The following TUSC3 variants were observed in gnomAD, a reference collection of about 807,000 sequenced individuals.
TUSC3 encodes the protein dolichyl-diphosphooligosaccharide--protein glycosyltransferase subunit TUSC3.
A neutral mutation model predicts 44.8 loss-of-function variants in TUSC3; 45 were observed. That is an observed-to-expected ratio of 1.00 (90% CI 0.79 to 1.29). TUSC3 has a LOEUF of 1.29. Ranked by LOEUF, TUSC3 falls within the 50% of genes most tolerant of loss-of-function variation. The probability of loss-of-function intolerance (pLI) is 0.00; values close to 1 mark genes in which losing one functional copy is unlikely to be tolerated. For synonymous variants in TUSC3, 212 were observed against 152.9 expected (o/e 1.39, Z -2.85); for missense variants, 519 against 437.9 (o/e 1.19, Z -1.65).
At chr8:15,483,972 T>C (rs1257693662) in intron 2 of TUSC3, among the ~76,000 whole-genome samples, 1 of 152,130 alleles carries the variant, frequency 6.6e-6, no homozygotes, top group Admixed American at 6.6e-5. Context: ...TTTTTAACTA[T>C]GTTGACTGGC....
chr8:15,423,106 A>G (rs1799758418), intron 1 of TUSC3, among the ~76,000 whole-genome samples: 2 of 152,100 alleles, frequency 1.3e-5, no homozygotes, highest in Admixed American at 6.6e-5. Context: ...TTTAAGAAAA[A>G]AGTGTTTCTT....
intron 2 of TUSC3, among the ~76,000 whole-genome samples, chr8:15,525,407 C>A (rs1032113889): frequency 8.5e-5 from 13 of 152,296 alleles, no homozygotes; most frequent in African/African-American, 2.2e-4. Context: ...TAAATTCTAA[C>A]AAGCTTGTTT....
At chr8:15,751,137 G>A (rs150395910) in intron 9 of TUSC3, among the ~76,000 whole-genome samples, 2 of 152,248 alleles carry the variant, frequency 1.3e-5, no homozygotes, top group South Asian at 2.1e-4. Flanking sequence ...GCTAAATAGA[G>A]TTTGGGTTGC....
chr8:15,586,044 C>A (rs993460072), intron 1 of TUSC3, among the ~76,000 whole-genome samples: 4 of 151,864 alleles, frequency 2.6e-5, no homozygotes, highest in African/African-American at 9.7e-5. Context: ...ATGAGGGGAA[C>A]TAGGAGAGTA....
intron 1 of TUSC3, among the ~76,000 whole-genome samples, chr8:15,470,808 A>G (rs1800481983): frequency 6.6e-6 from 1 of 152,068 alleles, no homozygotes; most frequent in African/African-American, 2.4e-5. Context: ...GATTCAGGAA[A>G]TTGCTGTGTC....
At chr8:15,424,907 C>T (rs758078563) in intron 1 of TUSC3, among the ~76,000 whole-genome samples, 4 of 151,702 alleles carry the variant, frequency 2.6e-5, no homozygotes, top group Non-Finnish European at 5.9e-5. Flanking sequence ...CTCGTTAGTG[C>T]CCTCCACAAT....
At chr8:15,506,692 C>A (rs371660623) in intron 2 of TUSC3, among the ~76,000 whole-genome samples, 5 of 152,112 alleles carry the variant, frequency 3.3e-5, no homozygotes, top group Admixed American at 3.3e-4. Flanking sequence ...TTCACTATCA[C>A]GAGAACAGCG....
intron 2 of TUSC3, among the ~76,000 whole-genome samples, chr8:15,522,004 A>C (rs775165848): frequency 2.6e-5 from 4 of 152,176 alleles, no homozygotes; most frequent in Admixed American, 6.5e-5. Context: ...TGGGGTTAGA[A>C]ATGAGAAGCA....
At chr8:15,446,535 G>C (rs947024553) in intron 1 of TUSC3, among the ~76,000 whole-genome samples, 1 of 152,014 alleles carries the variant, frequency 6.6e-6, no homozygotes, top group Admixed American at 6.6e-5. Context: ...AGACCAGCCC[G>C]GCCAACACGG....
the TUSC3 span, among the ~76,000 whole-genome samples, chr8:15,778,110 A>AC: frequency 2.3e-4 from 25 of 110,746 alleles, no homozygotes; most frequent in Non-Finnish European, 3.5e-4. Context: ...AAAAAAAAAA[A>AC]ACAAAAAACC....
chr8:15,786,796 T>C, the TUSC3 span, among the ~76,000 whole-genome samples: 2 of 151,088 alleles, frequency 1.3e-5, no homozygotes, highest in Middle Eastern at 3.4e-3. Flanking sequence ...TAAAAAAAAA[T>C]AGCTGGGTGT....
the TUSC3 span, among the ~76,000 whole-genome samples, chr8:15,800,819 G>C: frequency 6.6e-6 from 1 of 152,028 alleles, no homozygotes; most frequent in South Asian, 2.1e-4. Context: ...TTCTTAACTT[G>C]CCACAGTTTT....
At chr8:15,547,730 C>T (rs1801922984) in intron 1 of TUSC3, among the ~76,000 whole-genome samples, 1 of 151,268 alleles carries the variant, frequency 6.6e-6, no homozygotes, top group South Asian at 2.1e-4. Flanking sequence ...AGATTAGTGC[C>T]CTTATAAATA....
At chr8:15,420,511 A>C (rs1347764339) in intron 1 of TUSC3, among the ~76,000 whole-genome samples, 3 of 152,000 alleles carry the variant, frequency 2.0e-5, no homozygotes, top group Non-Finnish European at 4.4e-5. Flanking sequence ...AAGAAAAAAA[A>C]AAAGTTGTGT....
chr8:15,744,970 G>A (rs538233475), intron 8 of TUSC3, among the ~76,000 whole-genome samples: 19 of 152,056 alleles, frequency 1.2e-4, no homozygotes, highest in South Asian at 2.1e-4. Flanking sequence ...CACTCTAGTC[G>A]TGTCTGTTCT....
At chr8:15,468,594 C>T (rs1056187753) in intron 1 of TUSC3, among the ~76,000 whole-genome samples, 11 of 152,004 alleles carry the variant, frequency 7.2e-5, no homozygotes, top group Non-Finnish European at 1.3e-4. Context: ...ATCTGATGCC[C>T]CCCTCTAATA....
chr8:15,574,995 C>G (rs1162991023), intron 1 of TUSC3, among the ~76,000 whole-genome samples: 1 of 151,994 alleles, frequency 6.6e-6, no homozygotes, highest in Non-Finnish European at 1.5e-5. Context: ...TGGGGTGGTT[C>G]TTTTTCTGCT....
chr8:15,686,418 A>G (rs997520811), intron 6 of TUSC3, among the ~76,000 whole-genome samples: 2 of 152,120 alleles, frequency 1.3e-5, no homozygotes, highest in African/African-American at 4.8e-5. Context: ...TAAGCGTTAT[A>G]TTCTGCATGC....
chr8:15,737,171 A>G (rs1810972167), intron 7 of TUSC3, among the ~76,000 whole-genome samples: 1 of 152,170 alleles, frequency 6.6e-6, no homozygotes, highest in African/African-American at 2.4e-5. Flanking sequence ...AAGGAGAAAC[A>G]TACTATAGAA....
Sources: gnomAD v4.1 joint callset for allele counts (sites outside exome capture counted in the v4.1 genomes callset) on GRCh38, gnomAD v4.1.1 for gene constraint, MANE v1.5 for transcripts, NCBI Gene and HGNC (gene_info 2026-07-23, HGNC 2026-07-21) for gene names.